The following DIAPH2 variants were observed in gnomAD, a reference collection of about 807,000 sequenced individuals.
DIAPH2 encodes diaphanous related formin 2.
A neutral mutation model predicts 92.7 loss-of-function variants in DIAPH2; 35 were observed. The ratio of observed to expected loss-of-function variants is 0.38; its 90% confidence interval spans 0.29 to 0.50. The LOEUF (loss-of-function observed/expected upper bound fraction) is 0.50, where lower values mean the gene tolerates loss of function less well. DIAPH2 is among the 20% of genes least tolerant of loss of function. The pLI is 0.94. For synonymous variants in DIAPH2, 301 were observed against 280.4 expected (o/e 1.07, Z -0.73); for missense variants, 701 against 819.5 (o/e 0.86, Z 1.77).
intron 22 of DIAPH2, among the ~76,000 whole-genome samples, chrX:97,165,477 A>G (rs1231347798): frequency 9.0e-6 from 1 of 110,940 alleles, no homozygotes; most frequent in African/African-American, 3.3e-5. Context: ...GCAATTCTGT[A>G]TTTTGGAGTT....
At chrX:97,042,141 CA>C (rs1458015067) in intron 17 of DIAPH2, among the ~76,000 whole-genome samples, 2 of 111,189 alleles carry the variant, frequency 1.8e-5, no homozygotes, top group East Asian at 5.6e-4. Context: ...ACATGCAAAC[CA>C]GTTCCATTAA....
intron 25 of DIAPH2, among the ~76,000 whole-genome samples, chrX:97,385,453 G>A (rs545894239): frequency 4.5e-5 from 5 of 110,800 alleles, no homozygotes; most frequent in African/African-American, 1.3e-4. Context: ...GGCTGGTCTC[G>A]AACTCCTGAC....
chrX:97,114,873 C>T lies in DIAPH2; in HGVS notation c.2497C>T (p.Leu833Phe). The T allele has an allele frequency of 1.7e-6, 2 of 1,210,260 alleles. No individual in the cohort carries two copies. The highest frequency in any genetic ancestry group is 2.2e-6 in the Non-Finnish European group (2 of 894,589). Residue 833 changes from leucine (L) to phenylalanine (F), a missense_variant, in exon 21 of 27, where the codon CTT becomes TTT. Physicochemically the swap from Leu to Phe is conservative, Grantham distance 22. Transcript: ENST00000324765. ...ELKKSESFNRLLELVLLVGNY... is the reference protein window; with the variant it reads ...ELKKSESFNRFLELVLLVGNY... Reference sequence around the variant, plus strand: ...GAAGAAAAGTGAAAGCTTTAACAGACTTTTAGAGTTAGTTCTTCTTGTTGG... The same window carrying T: ...GAAGAAAAGTGAAAGCTTTAACAGATTTTTAGAGTTAGTTCTTCTTGTTGG...
At chrX:97,152,642 G>T (rs2067293519) in intron 22 of DIAPH2, among the ~76,000 whole-genome samples, 2 of 111,425 alleles carry the variant, frequency 1.8e-5, no homozygotes, top group South Asian at 7.6e-4. Context: ...AGAAACAAGA[G>T]AGAGTACAAC....
intron 4 of DIAPH2, among the ~76,000 whole-genome samples, chrX:96,778,237 A>G (rs905344434): frequency 9.1e-6 from 1 of 109,687 alleles, no homozygotes; most frequent in Non-Finnish European, 1.9e-5. Context: ...TTGTCCTTTT[A>G]TTTTTGAATA....
At chrX:97,121,285 G>C (rs1202841586) in intron 21 of DIAPH2, among the ~76,000 whole-genome samples, 1 of 111,910 alleles carries the variant, frequency 8.9e-6, no homozygotes, top group Admixed American at 9.5e-5. Context: ...AGGACTGAAA[G>C]CCTAAGATCA....
chrX:97,289,095 G>A (rs1400322203), intron 23 of DIAPH2, among the ~76,000 whole-genome samples: 2 of 111,416 alleles, frequency 1.8e-5, no homozygotes, highest in Admixed American at 9.7e-5. Flanking sequence ...AACCAAATAC[G>A]GGATTTTTGA....
rs964200500 is a variant in DIAPH2 at position 97,434,432 on chromosome X, A to G, written c.3241+4687A>G. On this transcript the variant is annotated intron_variant, in intron 26 of 26. Coordinates refer to ENST00000324765, the MANE Select transcript of DIAPH2 (RefSeq NM_006729.5). ...AACTTTTTTTTTTTTTTTTTTGAGA[A>G]GGAGTCTCACTCTGTCCCCAGGCTG... Among the ~76,000 whole-genome samples, 54 of 103,388 alleles carry G rather than the reference A, an allele frequency of 5.2e-4. 1 individual carries two copies. The highest frequency in any genetic ancestry group is 1.9e-3 in the African/African-American group (53 of 27,951). 89.8% of individuals were successfully genotyped at this position (103,388 alleles called of 115,157 possible). A position where few individuals can be genotyped will look rare whatever the true frequency, so the allele number is the denominator to read the frequency against.
intron 4 of DIAPH2, among the ~76,000 whole-genome samples, chrX:96,831,123 A>G (rs2064851858): frequency 9.0e-6 from 1 of 111,428 alleles, no homozygotes. Context: ...CATTTGTACT[A>G]GCTATTCTTT....
chrX:97,235,601 CAAAAAAA>C (rs10563336), intron 22 of DIAPH2, among the ~76,000 whole-genome samples: 2 of 53,385 alleles, frequency 3.7e-5, no homozygotes, highest in African/African-American at 6.9e-5. Context: ...GAGACTACGT[CAAAAAAA>C]AAAAAAAAAA....
At chrX:97,321,364 TTTA>T (rs1429163096) in intron 23 of DIAPH2, among the ~76,000 whole-genome samples, 4 of 110,463 alleles carry the variant, frequency 3.6e-5, no homozygotes, top group Non-Finnish European at 7.5e-5. Flanking sequence ...ACAAAAGGTG[TTTA>T]TTATTATCAT....
At chrX:97,493,639 G>A (rs898408425) in intron 26 of DIAPH2, among the ~76,000 whole-genome samples, 1 of 110,822 alleles carries the variant, frequency 9.0e-6, no homozygotes, top group African/African-American at 3.3e-5. Context: ...AGCACTTTGG[G>A]AGGCCAAGGC....
At chrX:97,574,376 T>A (rs1420980596) in intron 26 of DIAPH2, among the ~76,000 whole-genome samples, 2 of 112,224 alleles carry the variant, frequency 1.8e-5, no homozygotes, top group East Asian at 5.6e-4. Context: ...CAAATGACTC[T>A]TGTGCTCTAA....
At chrX:97,079,345 T>C (rs1287680750) in intron 19 of DIAPH2, among the ~76,000 whole-genome samples, 1 of 110,947 alleles carries the variant, frequency 9.0e-6, no homozygotes, top group African/African-American at 3.3e-5. Context: ...AGGGAGATCA[T>C]TGCAGTTTCA....
chrX:97,444,355 G>C (rs1380928622), intron 26 of DIAPH2, among the ~76,000 whole-genome samples: 1 of 110,112 alleles, frequency 9.1e-6, no homozygotes, highest in East Asian at 2.8e-4. Flanking sequence ...GAAAGTCAGT[G>C]TATATCCTGG....
At chrX:96,926,895 C>A (rs187247326) in intron 9 of DIAPH2, among the ~76,000 whole-genome samples, 57 of 110,934 alleles carry the variant, frequency 5.1e-4, no homozygotes, top group African/African-American at 1.7e-3. Flanking sequence ...AAATTTTGAT[C>A]CTCATGGAAG....
intron 22 of DIAPH2, among the ~76,000 whole-genome samples, chrX:97,243,742 G>T (rs2068117597): frequency 9.0e-6 from 1 of 111,280 alleles, no homozygotes; most frequent in South Asian, 3.8e-4. Context: ...TCTATATATT[G>T]TTAGGCAGAT....
intron 4 of DIAPH2, among the ~76,000 whole-genome samples, chrX:96,794,938 G>A (rs1194415069): frequency 1.8e-5 from 2 of 111,506 alleles, no homozygotes; most frequent in African/African-American, 6.5e-5. Flanking sequence ...TTCCAAATTC[G>A]TGTCATCTTC....
At chrX:97,250,963 A>C (rs1602450533) in intron 23 of DIAPH2, among the ~76,000 whole-genome samples, 1 of 111,399 alleles carries the variant, frequency 9.0e-6, no homozygotes, top group Admixed American at 9.6e-5. Context: ...AAAACAAAAA[A>C]ACCTCTCCTT....
Sources: gnomAD v4.1 joint callset for allele counts (sites outside exome capture counted in the v4.1 genomes callset) on GRCh38, gnomAD v4.1.1 for gene constraint, MANE v1.5 for transcripts, NCBI Gene and HGNC (gene_info 2026-07-23, HGNC 2026-07-21) for gene names.